Variants in CDH23 observed in about 807,000 individuals in gnomAD.
CDH23 encodes cadherin related 23, also known as cadherin-23.
Under a neutral mutation model 317.1 loss-of-function variants are expected in CDH23, and 189 were observed. The observed-to-expected ratio is 0.60, with a 90% CI of 0.53 to 0.67. The LOEUF (loss-of-function observed/expected upper bound fraction) is 0.67, where lower values mean the gene tolerates loss of function less well. Among genes scored for constraint, CDH23 ranks in the 30% least tolerant of loss-of-function variants. The pLI is 0.00. For missense variants in CDH23, 4,401 were observed against 4,592.4 expected, an observed-to-expected ratio of 0.96 and a Z score of 1.20; for synonymous variants, 1,839 against 1,876.8, an observed-to-expected ratio of 0.98 and a Z score of 0.52.
At chr10:71,518,176 A>T (rs1380678981) in intron 6 of CDH23, among the ~76,000 whole-genome samples, 1 of 151,394 alleles carries the variant, frequency 6.6e-6, no homozygotes, top group African/African-American at 2.4e-5. Context: ...GTTAGGGGGG[A>T]ATTATTCTTT....
chr10:71,690,058 A>G (rs1251377427), intron 19 of CDH23, among the ~76,000 whole-genome samples: 13 of 152,224 alleles, frequency 8.5e-5, no homozygotes, highest in Non-Finnish European at 8.8e-5. Flanking sequence ...TGAACGAGAT[A>G]AAACTAGACT....
chr10:71,539,114 C>T lies in CDH23; in HGVS notation c.430-27628C>T, dbSNP rs150180859. Among the ~76,000 whole-genome samples the T allele has an allele frequency of 2.0e-3, 312 of 152,332 alleles. 1 individual carries two copies. Among genetic ancestry groups the T allele is most frequent in the African/African-American group, 7.0e-3 (290 of 41,580 alleles). ...GCTCTGCCTAGGGAACTACCACTCC[C>T]TAGTTCTCTCCCCACTGGTGGGACA... On this transcript the variant is annotated intron_variant, in intron 6 of 69. Coordinates refer to ENST00000224721, the MANE Select transcript of CDH23 (RefSeq NM_022124.6).
intron 6 of CDH23, among the ~76,000 whole-genome samples, chr10:71,518,940 C>T (rs533594167): frequency 8.5e-5 from 13 of 152,314 alleles, no homozygotes; most frequent in South Asian, 6.2e-4. Flanking sequence ...CCATTGGGGG[C>T]GTGGCCAAGG....
chr10:71,734,563 C>G, intron 33 of CDH23, 93 bp from the exon 34 acceptor site: 1 of 1,606,226 alleles, frequency 6.2e-7, no homozygotes, highest in Non-Finnish European at 8.5e-7. Flanking sequence ...AGAGACACTG[C>G]CGGGAGTGGG....
Position 71,806,261 on chromosome 10 carries a change from C to T in CDH23, c.8158C>T (p.Pro2720Ser), listed in dbSNP as rs865783005. The change falls in exon 57 of 70, where the codon CCC becomes TCC. Residue 2720 changes from proline to serine, a missense_variant. By Grantham distance (74) the Pro-to-Ser change is moderately conservative. Transcript: ENST00000224721. ...CCTGGAGGACATCGATGACAACGAA[C>T]CCCTTTTCGTGAGGCCTCCAGTGAG... ...VALEDIDDNE[P>S]LFVRPPKGSP... 6.4e-7 allele frequency: 1 copy of T among 1,563,686 alleles called. No individual in the cohort carries two copies. Among genetic ancestry groups the T allele is most frequent in the African/African-American group, 1.4e-5 (1 of 73,658 alleles).
intron 38 of CDH23, chr10:71,762,078 G>A (rs796767367): frequency 6.6e-7 from 1 of 1,525,492 alleles, no homozygotes. Flanking sequence ...TGCTACTCCT[G>A]GCAACCCCAG....
At chr10:71,647,279 A>G (rs908832917) in intron 14 of CDH23, among the ~76,000 whole-genome samples, 1 of 152,184 alleles carries the variant, frequency 6.6e-6, no homozygotes, top group African/African-American at 2.4e-5. Flanking sequence ...CCTGGCCAAC[A>G]TGGCAAAACC....
chr10:71,766,591 C>T (rs1244658173), intron 38 of CDH23, among the ~76,000 whole-genome samples: 4 of 152,228 alleles, frequency 2.6e-5, no homozygotes, highest in African/African-American at 9.6e-5. Context: ...CTCTAAAATC[C>T]TGTGGGCAGG....
rs765676557 is a variant in CDH23, at chr10:71,690,632, G to A, written c.2176+48G>A. ...CCCTGGTCCTCCACACCCTGAGGCT[G>A]ACTGTCCATACCCGGCCCCAGGACC... On this transcript the variant is annotated intron_variant, in intron 20 of 69. Coordinates refer to ENST00000224721, the MANE Select transcript of CDH23 (RefSeq NM_022124.6). 4 of 1,364,214 alleles carry A rather than the reference G, an allele frequency of 2.9e-6. 1 individual carries two copies. Among genetic ancestry groups the A allele is most frequent in the South Asian group, 2.5e-5 (2 of 80,504 alleles). 84.5% of individuals were successfully genotyped at this position (1,364,214 alleles called of 1,614,324 possible). A position where few individuals can be genotyped will look rare whatever the true frequency, so the allele number is the denominator to read the frequency against.
intron 6 of CDH23, among the ~76,000 whole-genome samples, chr10:71,525,346 T>C (rs1564632107): frequency 6.6e-6 from 1 of 152,214 alleles, no homozygotes; most frequent in Non-Finnish European, 1.5e-5. Context: ...CTCAAGGTGC[T>C]TTGGAGGCAG....
chr10:71,570,226 C>T (rs763398878), intron 7 of CDH23, among the ~76,000 whole-genome samples: 35 of 152,138 alleles, frequency 2.3e-4, no homozygotes, highest in Admixed American at 4.6e-4. Context: ...CAGTAAATCC[C>T]CAGCCCAAAG....
intron 1 of CDH23, among the ~76,000 whole-genome samples, chr10:71,438,568 C>T (rs1255429937): frequency 6.6e-6 from 1 of 152,078 alleles, no homozygotes; most frequent in African/African-American, 2.4e-5. Context: ...ATTGAGGCCT[C>T]TCCAAGTCCA....
At chr10:71,609,112 G>A (rs1860702320) in intron 9 of CDH23, among the ~76,000 whole-genome samples, 1 of 152,094 alleles carries the variant, frequency 6.6e-6, no homozygotes, top group Admixed American at 6.5e-5. Context: ...GGCAGGAGGG[G>A]CGATGCTGCA....
At position 71,609,995 on chromosome 10, in the gene CDH23, T is replaced by TGA. The variant is rs57981317; in HGVS notation, c.833-5502_833-5501dup. ...GTGTGTGTGTGTGTGTGTGTGTGTG[T>TGA]GAGAGAGACAGAGAGACGAGAGAGA... is the stretch of plus-strand genomic sequence containing the variant. On this transcript the variant is annotated intron_variant, in intron 9 of 69. Transcript: ENST00000224721. 4.5e-3 allele frequency among the ~76,000 whole-genome samples: 630 copies of TGA among 140,856 alleles called. 1 individual carries two copies. The highest frequency in any genetic ancestry group is 6.5e-3 in the African/African-American group (246 of 38,106). The allele number at this position is 140,856 out of a possible 152,430, so 92.4% of individuals were successfully genotyped here. A position where few individuals can be genotyped will look rare whatever the true frequency, so the allele number is the denominator to read the frequency against.
intron 19 of CDH23, among the ~76,000 whole-genome samples, chr10:71,690,007 C>T (rs1270933480): frequency 3.3e-5 from 5 of 152,170 alleles, no homozygotes; most frequent in Non-Finnish European, 5.9e-5. Flanking sequence ...AAGGCCTTAA[C>T]TGAACATTAA....
At chr10:71,793,664 ACCTCCCTCCCAGCTCCCAGTCCTGTCT>A in intron 48 of CDH23, 24 bp downstream of exon 48, 1 of 1,485,138 alleles carries the variant, frequency 6.7e-7, no homozygotes, top group Non-Finnish European at 9.0e-7. Context: ...CACCCCTCCC[ACCTCCCTCCCAGCTCCCAGTCCTGTCT>A]CCTCGCTCCC....
At chr10:71,510,832 G>A in intron 4 of CDH23, 122 bp from the exon 5 acceptor site, 1 of 878,988 alleles carries the variant, frequency 1.1e-6, no homozygotes, top group Non-Finnish European at 1.9e-6. Flanking sequence ...AAGCCTTTGG[G>A]TGCCTGGTTC....
rs1299217961 is a variant in CDH23 at position 71,677,364 on chromosome 10, T to G, written c.1515-92T>G. 5.2e-6 allele frequency: 5 copies of G among 958,880 alleles called. No homozygotes were observed. The East Asian group carries it at 1.1e-4, about 21-fold the overall frequency. 59.4% of individuals were successfully genotyped at this position (958,880 alleles called of 1,614,324 possible). A position where few individuals can be genotyped will look rare whatever the true frequency, so the allele number is the denominator to read the frequency against. ...CTTCATTTGTTTCTGTTTGTCACTC[T>G]GGGCAAGGACAGGCTGGGAAATGCC... On this transcript the variant is annotated intron_variant, in intron 15 of 69. Transcript: ENST00000224721.
intron 9 of CDH23, among the ~76,000 whole-genome samples, chr10:71,583,956 C>A (rs12268418): frequency 2.0e-5 from 3 of 151,368 alleles, no homozygotes; most frequent in Admixed American, 6.7e-5. Flanking sequence ...GTGTGCTCCC[C>A]AGAGCAGCAG....
Sources: gnomAD v4.1 joint callset for allele counts (sites outside exome capture counted in the v4.1 genomes callset) on GRCh38, gnomAD v4.1.1 for gene constraint, MANE v1.5 for transcripts, NCBI Gene and HGNC (gene_info 2026-07-23, HGNC 2026-07-21) for gene names.